CACNA2D3: variants seen among roughly 807,000 people sequenced by gnomAD.
The protein encoded by CACNA2D3 is calcium voltage-gated channel auxiliary subunit alpha2delta 3.
CACNA2D3 carries 60 observed loss-of-function variants against 160.6 expected under a neutral mutation model. That is an observed-to-expected ratio of 0.37 (90% CI 0.30 to 0.46). The LOEUF (loss-of-function observed/expected upper bound fraction) is 0.46. Ranked by LOEUF, CACNA2D3 falls within the 20% of genes least tolerant of loss-of-function variation. CACNA2D3 has a pLI of 1.00. For missense variants in CACNA2D3, 1,205 were observed against 1,365.0 expected (o/e 0.88, Z 1.85); for synonymous variants, 558 against 492.9 (o/e 1.13, Z -1.75).
At chr3:54,437,462 C>G (rs1700078112) in intron 4 of CACNA2D3, among the ~76,000 whole-genome samples, 1 of 152,192 alleles carries the variant, frequency 6.6e-6, no homozygotes, top group African/African-American at 2.4e-5. Context: ...TTGGCTCATT[C>G]TGGCCCATCT....
chr3:55,018,689 AC>A (rs2107158264), intron 35 of CACNA2D3, among the ~76,000 whole-genome samples: 1 of 149,638 alleles, frequency 6.7e-6, no homozygotes, highest in South Asian at 2.1e-4. Flanking sequence ...ATTTACCCAA[AC>A]CTGATAAATT....
At chr3:54,913,653 G>A (rs967192638) in intron 27 of CACNA2D3, among the ~76,000 whole-genome samples, 2 of 152,136 alleles carry the variant, frequency 1.3e-5, no homozygotes, top group Non-Finnish European at 2.9e-5. Flanking sequence ...CTGGTTGGTG[G>A]TTGGGTTTCT....
At chr3:54,805,350 TA>T (rs1252867298) in intron 13 of CACNA2D3, among the ~76,000 whole-genome samples, 1 of 151,908 alleles carries the variant, frequency 6.6e-6, no homozygotes, top group African/African-American at 2.4e-5. Context: ...ATAGACGCAA[TA>T]AAAAATGATA....
rs562827895 is a variant in CACNA2D3 at position 54,809,474 on chromosome 3, G to A, written c.1381-7379G>A. On this transcript the variant is annotated intron_variant, in intron 13 of 37. Coordinates refer to ENST00000474759, the MANE Select transcript of CACNA2D3 (RefSeq NM_018398.3). Reference sequence around the variant, plus strand: ...GCTGGGACTACAGGCGCCCGCCACCGCGCCCGGCTAATTTTTTGTATTTTT... The same window carrying A: ...GCTGGGACTACAGGCGCCCGCCACCACGCCCGGCTAATTTTTTGTATTTTT... Among the ~76,000 whole-genome samples, 1,031 of 142,806 alleles carry A rather than the reference G, an allele frequency of 7.2e-3. 99 individuals are homozygous for A. Among genetic ancestry groups the A allele is most frequent in the African/African-American group, 0.027 (968 of 35,592 alleles). 93.7% of individuals were successfully genotyped at this position (142,806 alleles called of 152,430 possible).
intron 4 of CACNA2D3, among the ~76,000 whole-genome samples, chr3:54,486,018 A>G (rs1022775240): frequency 6.6e-6 from 1 of 152,184 alleles, no homozygotes; most frequent in African/African-American, 2.4e-5. Context: ...AATTGCACGA[A>G]AAATTTCAGC....
chr3:54,652,835 T>G (rs1575407235), intron 11 of CACNA2D3, among the ~76,000 whole-genome samples: 2 of 133,978 alleles, frequency 1.5e-5, no homozygotes, highest in African/African-American at 2.8e-5. Flanking sequence ...CGGGCTGGAG[T>G]GTAGTTGCGT....
intron 34 of CACNA2D3, among the ~76,000 whole-genome samples, chr3:55,014,724 T>TG (rs1435170132): frequency 1.3e-5 from 2 of 152,136 alleles, no homozygotes; most frequent in Non-Finnish European, 1.5e-5. Context: ...AGAGTGAGAC[T>TG]CTGTCTCCAA....
At chr3:54,649,429 C>T (rs905449437) in intron 11 of CACNA2D3, among the ~76,000 whole-genome samples, 3 of 152,184 alleles carry the variant, frequency 2.0e-5, no homozygotes, top group African/African-American at 4.8e-5. Flanking sequence ...TACAGAGGCT[C>T]GGGAAATCAG....
chr3:54,499,899 A>G (rs1419070737), intron 4 of CACNA2D3, among the ~76,000 whole-genome samples: 1 of 152,150 alleles, frequency 6.6e-6, no homozygotes, highest in Non-Finnish European at 1.5e-5. Context: ...ATAAATGTAA[A>G]TTAGATCCAA....
chr3:54,788,584 T>G (rs184260660), intron 13 of CACNA2D3, among the ~76,000 whole-genome samples: 1 of 152,324 alleles, frequency 6.6e-6, no homozygotes, highest in African/African-American at 2.4e-5. Context: ...AACTTGGTGC[T>G]ATCAGTGACC....
At chr3:54,468,609 G>A (rs1451591427) in intron 4 of CACNA2D3, among the ~76,000 whole-genome samples, 2 of 152,178 alleles carry the variant, frequency 1.3e-5, no homozygotes, top group African/African-American at 4.8e-5. Context: ...GTGGGCTGAA[G>A]TCAGGGAGCC....
At chr3:54,195,875 T>G (rs962256580) in intron 2 of CACNA2D3, among the ~76,000 whole-genome samples, 56 of 152,366 alleles carry the variant, frequency 3.7e-4, no homozygotes, top group African/African-American at 1.2e-3. Context: ...TTTATGCAAG[T>G]GAAAACCCTG....
chr3:54,946,664 G>C (rs201586916), intron 27 of CACNA2D3, among the ~76,000 whole-genome samples: 2 of 152,022 alleles, frequency 1.3e-5, no homozygotes, highest in Non-Finnish European at 2.9e-5. Flanking sequence ...GTGCAAACCT[G>C]GGGGGAGCTA....
chr3:54,794,736 G>T (rs1702833505), intron 13 of CACNA2D3, among the ~76,000 whole-genome samples: 1 of 151,310 alleles, frequency 6.6e-6, no homozygotes, highest in Non-Finnish European at 1.5e-5. Context: ...AGGGTCATTT[G>T]GCTTGTATTC....
intron 2 of CACNA2D3, among the ~76,000 whole-genome samples, chr3:54,254,455 A>T (rs560292236): frequency 6.6e-6 from 1 of 152,210 alleles, no homozygotes; most frequent in African/African-American, 2.4e-5. Context: ...GCAGTGAGGT[A>T]TCCACCAAAT....
chr3:54,738,282 G>A (rs1388530485), intron 11 of CACNA2D3, among the ~76,000 whole-genome samples: 1 of 152,098 alleles, frequency 6.6e-6, no homozygotes, highest in Non-Finnish European at 1.5e-5. Flanking sequence ...GTGTAATAGG[G>A]TACTAGTGAC....
intron 9 of CACNA2D3, among the ~76,000 whole-genome samples, chr3:54,589,715 C>A (rs972160018): frequency 1.3e-5 from 2 of 151,956 alleles, no homozygotes; most frequent in South Asian, 4.1e-4. Flanking sequence ...ACAATAAACA[C>A]AATTGAATTT....
rs1182841997 is a variant in CACNA2D3, at chr3:55,074,418, C to T, written c.*212C>T. On this transcript the variant is annotated 3_prime_UTR_variant, in exon 38 of 38. Coordinates refer to ENST00000474759, the MANE Select transcript of CACNA2D3 (RefSeq NM_018398.3). ...TCATCTTTTTACTTTGCCAGTCATGCAAATGTGAGTTTGCCACATGATAAT... is the reference window on the plus strand; with the variant it reads ...TCATCTTTTTACTTTGCCAGTCATGTAAATGTGAGTTTGCCACATGATAAT... 7 of 559,310 alleles carry T rather than the reference C, an allele frequency of 1.3e-5. No individual in the cohort carries two copies. The highest frequency in any genetic ancestry group is 9.7e-5 in the Admixed American group (3 of 30,858). 34.6% of individuals were successfully genotyped at this position (559,310 alleles called of 1,614,324 possible).
chr3:54,790,038 T>C (rs1272110352), intron 13 of CACNA2D3, among the ~76,000 whole-genome samples: 2 of 152,170 alleles, frequency 1.3e-5, no homozygotes, highest in Non-Finnish European at 2.9e-5. Flanking sequence ...TACTTAGGTA[T>C]TTATGTCACT....
Sources: allele counts gnomAD v4.1 joint callset (sites outside exome capture counted in the v4.1 genomes callset), GRCh38; gene constraint gnomAD v4.1.1; transcripts MANE v1.5; gene names NCBI Gene and HGNC (gene_info 2026-07-23, HGNC 2026-07-21).